MAP3K4: variants seen among roughly 807,000 people sequenced by gnomAD.
The protein encoded by MAP3K4 is MAP three kinase 1.
In MAP3K4, 67 loss-of-function variants were observed where a neutral mutation model predicts 185.6. The observed-to-expected ratio is 0.36, with a 90% confidence interval of 0.30 to 0.44. The LOEUF is 0.44. Ranked by LOEUF, MAP3K4 falls within the 20% of genes least tolerant of loss-of-function variation. The pLI is 1.00. For missense variants in MAP3K4, 1,551 were observed against 1,995.1 expected (o/e 0.78, Z 4.24); for synonymous variants, 702 against 710.4 (o/e 0.99, Z 0.19).
At chr6:161,105,992 C>T (rs550359559) in intron 19 of MAP3K4, among the ~76,000 whole-genome samples, 12 of 152,098 alleles carry the variant, frequency 7.9e-5, no homozygotes, top group African/African-American at 2.2e-4. Context: ...CACACCACCA[C>T]ACCTGGCTAA....
At position 161,019,377 on chromosome 6, in the gene MAP3K4, C is replaced by A. The variant is rs528346614; in HGVS notation, c.153-14882C>A. Among the ~76,000 whole-genome samples the A allele has an allele frequency of 3.9e-5, 6 of 152,290 alleles. No homozygotes were observed. In the South Asian group the frequency reaches 1.2e-3, roughly 32 times the overall value. On this transcript the variant is annotated intron_variant, in intron 1 of 26. Coordinates refer to ENST00000392142, the MANE Select transcript of MAP3K4 (RefSeq NM_005922.4). ...TTTTGGAAACATTCTTCCTTTCTCT[C>A]ATTTACCACAGTTTCTTCCATGTTT...
rs1322406815 is a variant in MAP3K4, at chr6:161,082,306, A to G, written c.2255+1268A>G. 5.9e-5 allele frequency among the ~76,000 whole-genome samples: 9 copies of G among 151,670 alleles called. No homozygotes were observed. In the South Asian group the frequency reaches 1.9e-3, roughly 32 times the overall value. ...GCTTTGCCTAATTCCTTCTGTTTGC[A>G]TTTTCTGTTTCCAACCTGTCAAGCT... On this transcript the variant is annotated intron_variant, in intron 6 of 26. Coordinates refer to ENST00000392142, the MANE Select transcript of MAP3K4 (RefSeq NM_005922.4). The surrounding 1 kb of genome is among the most constrained non-coding windows in gnomAD (Gnocchi z 4.2).
At chr6:161,083,072 G>A (rs997752701) in intron 6 of MAP3K4, among the ~76,000 whole-genome samples, 5 of 152,076 alleles carry the variant, frequency 3.3e-5, no homozygotes, top group African/African-American at 1.2e-4. Flanking sequence ...TCACTGTCTC[G>A]GGCCAGGCAT....
At position 161,034,231 on chromosome 6, in the gene MAP3K4, TA is replaced by T. The variant is rs754787067; in HGVS notation, c.153-27del. The T allele has an allele frequency of 3.7e-5, 58 of 1,564,380 alleles. No individual in the cohort carries two copies. The highest frequency in any genetic ancestry group is 5.0e-5 in the Non-Finnish European group (58 of 1,148,874). ...GAATTCACTTAACTGTGTTGCTGAATATTTTCCCTGCACACTGTCTTTCATA... is the reference window on the plus strand; with the variant it reads ...GAATTCACTTAACTGTGTTGCTGAATTTTTCCCTGCACACTGTCTTTCATA... On this transcript the variant is annotated intron_variant, in intron 1 of 26. Coordinates refer to ENST00000392142, the MANE Select transcript of MAP3K4 (RefSeq NM_005922.4). The surrounding 1 kb of genome is among the most constrained non-coding windows in gnomAD (Gnocchi z 4.4).
chr6:160,998,318 T>C (rs567771468), intron 1 of MAP3K4, among the ~76,000 whole-genome samples: 2 of 152,172 alleles, frequency 1.3e-5, no homozygotes, highest in Non-Finnish European at 2.9e-5. Context: ...AGTATGTGCA[T>C]AGAAAAAAGA....
At position 161,076,211 on chromosome 6, in the gene MAP3K4, G is replaced by A. The variant is rs1451814935; in HGVS notation, c.2097+2599G>A. On this transcript the variant is annotated intron_variant, in intron 5 of 26. Transcript: ENST00000392142. The surrounding 1 kb of genome is among the most constrained non-coding windows in gnomAD (Gnocchi z 4.2). ...CCACCCAGAGATTAACTAGAGCCTT[G>A]ATATCTAGGGGTGTGACAGCCATGA... Among the ~76,000 whole-genome samples the A allele has an allele frequency of 6.6e-6, 1 of 152,202 alleles. No individual in the cohort carries two copies. The highest frequency in any genetic ancestry group is 1.5e-5 in the Non-Finnish European group (1 of 68,034).
At chr6:161,069,314 T>C (rs888415887) in intron 3 of MAP3K4, among the ~76,000 whole-genome samples, 2 of 152,140 alleles carry the variant, frequency 1.3e-5, no homozygotes, top group Non-Finnish European at 2.9e-5. Flanking sequence ...GGCATGCTGT[T>C]GGGGGCGAGA....
chr6:161,087,707 A>C lies in MAP3K4; in HGVS notation c.2576A>C (p.Glu859Ala). 1 of 1,614,172 alleles carries C rather than the reference A, an allele frequency of 6.2e-7. No homozygotes were observed. Among genetic ancestry groups the C allele is most frequent in the Non-Finnish European group, 8.5e-7 (1 of 1,180,030 alleles). ...TTGCAGGTGCAAATTCCTGGGTTAG[A>C]AAACTTGCAAATGTTTGTTCCAGAC... ...QYVKVQIPGL[E>A]NLQMFVPDTL... The change falls in exon 10 of 27, where the codon GAA becomes GCA. Residue 859 changes from glutamate (E) to alanine (A), a missense_variant. Glu to Ala is a moderately radical substitution (Grantham distance 107). This residue lies in a region of MAP3K4 where 261 missense variants were observed against 306.5 expected (regional missense o/e 0.85). Coordinates refer to ENST00000392142, the MANE Select transcript of MAP3K4 (RefSeq NM_005922.4). This position sits in a 1 kb window ranked among gnomAD's most constrained non-coding sequence, Gnocchi z 4.9.
At chr6:160,997,584 T>C (rs1230884148) in intron 1 of MAP3K4, among the ~76,000 whole-genome samples, 2 of 152,226 alleles carry the variant, frequency 1.3e-5, no homozygotes, top group Non-Finnish European at 2.9e-5. Flanking sequence ...TACTCACCGC[T>C]GTGTTCAGCA....
chr6:161,086,505 T>G lies in MAP3K4; in HGVS notation c.2472+27T>G. 1.2e-6 allele frequency: 2 copies of G among 1,603,188 alleles called. No homozygotes were observed. The highest frequency in any genetic ancestry group is 1.7e-5 in the Admixed American group (1 of 58,780). On this transcript the variant is annotated intron_variant, in intron 8 of 26. Coordinates refer to ENST00000392142, the MANE Select transcript of MAP3K4 (RefSeq NM_005922.4). This position sits in a 1 kb window ranked among gnomAD's most constrained non-coding sequence, Gnocchi z 4.8. The stretch of plus-strand genomic sequence containing the variant: ...TGAGCTTGCAATCCTGATTAATTAG[T>G]ACCTTTTTTCTTGTTTTTCTTTTAT...
chr6:161,026,583 C>T (rs1782673310), intron 1 of MAP3K4, among the ~76,000 whole-genome samples: 1 of 152,078 alleles, frequency 6.6e-6, no homozygotes, highest in Non-Finnish European at 1.5e-5. Flanking sequence ...AAAAATAAAG[C>T]ACCCCTGCAA....
rs1778300345 is a variant in MAP3K4, at chr6:161,110,516, T to G, written c.4396+602T>G. 6.6e-6 allele frequency among the ~76,000 whole-genome samples: 1 copy of G among 152,204 alleles called. No individual in the cohort carries two copies. Among genetic ancestry groups the G allele is most frequent in the South Asian group, 2.1e-4 (1 of 4,830 alleles). On this transcript the variant is annotated intron_variant, in intron 23 of 26. Transcript: ENST00000392142. This position sits in a 1 kb window ranked among gnomAD's most constrained non-coding sequence, Gnocchi z 4.8. ...TTAACCACGCCATGCCCCTGACCTT[T>G]GTATTTGCAAGTCTTGAGGATAATT...
intron 2 of MAP3K4, among the ~76,000 whole-genome samples, chr6:161,041,836 G>A (rs933482166): frequency 3.3e-5 from 5 of 151,878 alleles, no homozygotes; most frequent in Admixed American, 6.6e-5. Flanking sequence ...GATACCAGAC[G>A]GACAGAAGGT....
intron 2 of MAP3K4, among the ~76,000 whole-genome samples, chr6:161,047,010 A>C (rs915967943): frequency 1.4e-5 from 2 of 147,414 alleles, no homozygotes; most frequent in Admixed American, 6.8e-5. Flanking sequence ...ATATATTCTA[A>C]GGTAAAAACA....
rs991891685 is a variant in MAP3K4, at chr6:161,063,631, T to G, written c.1708-6977T>G. On this transcript the variant is annotated intron_variant, in intron 3 of 26. Coordinates refer to ENST00000392142, the MANE Select transcript of MAP3K4 (RefSeq NM_005922.4). This position sits in a 1 kb window ranked among gnomAD's most constrained non-coding sequence, Gnocchi z 5.4. Reference sequence around the variant, plus strand: ...CTTTACTGGGGAGTTGGATTTCACTTTTTTTCCTCGATGTGGAGCCGAGAA... The same window carrying G: ...CTTTACTGGGGAGTTGGATTTCACTGTTTTTCCTCGATGTGGAGCCGAGAA... Among the ~76,000 whole-genome samples, 2 of 152,144 alleles carry G rather than the reference T, an allele frequency of 1.3e-5. No individual in the cohort carries two copies. The highest frequency in any genetic ancestry group is 2.9e-5 in the Non-Finnish European group (2 of 68,026).
rs182785062 is a variant in MAP3K4 at position 160,994,422 on chromosome 6, T to C, written c.152+2339T>C. ...CATTCCTGAGTGACTTCACTTAGAGTAATGGCCTCCAGCTCCATCCAAGTT... is the reference window on the plus strand; with the variant it reads ...CATTCCTGAGTGACTTCACTTAGAGCAATGGCCTCCAGCTCCATCCAAGTT... On this transcript the variant is annotated intron_variant, in intron 1 of 26. Transcript: ENST00000392142. 3.3e-4 allele frequency among the ~76,000 whole-genome samples: 51 copies of C among 152,290 alleles called. 1 individual carries two copies. In the East Asian group the frequency reaches 9.6e-3, roughly 29 times the overall value.
At chr6:160,992,452 C>T in intron 1 of MAP3K4, 1 of 281,714 alleles carries the variant, frequency 3.5e-6, no homozygotes, top group Admixed American at 5.5e-5. Flanking sequence ...CATTACTGAA[C>T]GAAAGTGGTC....
Position 161,109,871 on chromosome 6 carries a change from C to G in MAP3K4, c.4353C>G (p.Ile1451Met). 6.2e-7 allele frequency: 1 copy of G among 1,614,100 alleles called. No individual in the cohort carries two copies. ...RLYSKQITIA[I>M]NVLHEHGIVH... Reference sequence around the variant, plus strand: ...ATTCAAAGCAGATCACCATTGCGATCAACGTCCTCCATGAGCATGGCATAG... The same window carrying G: ...ATTCAAAGCAGATCACCATTGCGATGAACGTCCTCCATGAGCATGGCATAG... Residue 1451 changes from isoleucine (I) to methionine (M), a missense_variant, in exon 23 of 27, where the codon ATC (isoleucine) becomes ATG (methionine). Transcript: ENST00000392142. The surrounding 1 kb of genome is among the most constrained non-coding windows in gnomAD (Gnocchi z 5.7).
At position 161,108,705 on chromosome 6, in the gene MAP3K4, A is replaced by G. The variant is rs760838709; in HGVS notation, c.4120-38A>G. 8.4e-7 allele frequency: 1 copy of G among 1,185,220 alleles called. No individual in the cohort carries two copies. Among genetic ancestry groups the G allele is most frequent in the African/African-American group, 1.5e-5 (1 of 66,716 alleles). The allele number at this position is 1,185,220 out of a possible 1,614,324, so 73.4% of individuals were successfully genotyped here. A position where few individuals can be genotyped will look rare whatever the true frequency, so the allele number is the denominator to read the frequency against. On this transcript the variant is annotated intron_variant, in intron 21 of 26. Coordinates refer to ENST00000392142, the MANE Select transcript of MAP3K4 (RefSeq NM_005922.4). This position sits in a 1 kb window ranked among gnomAD's most constrained non-coding sequence, Gnocchi z 5.7. ...TATGTGTATAATGTAGAGTGATTAAATCAAGCCAGTTAACATTTTTGTCAC... is the reference window on the plus strand; with the variant it reads ...TATGTGTATAATGTAGAGTGATTAAGTCAAGCCAGTTAACATTTTTGTCAC...
Sources: gnomAD v4.1 joint callset for allele counts (sites outside exome capture counted in the v4.1 genomes callset) on GRCh38, gnomAD v4.1.1 for gene constraint, gnomAD v4.1.1 regional missense constraint, Gnocchi (gnomAD v3.1) non-coding constraint, MANE v1.5 for transcripts, NCBI Gene and HGNC (gene_info 2026-07-23, HGNC 2026-07-21) for gene names.